Variants in CEACAM19 observed in about 807,000 individuals in gnomAD.
CEACAM19 encodes CEA cell adhesion molecule 19.
In CEACAM19, 37 loss-of-function variants were observed where a neutral mutation model predicts 37.6. The observed-to-expected ratio is 0.98, with a 90% CI of 0.76 to 1.29. CEACAM19 has a LOEUF of 1.29. Ranked by LOEUF, CEACAM19 falls within the 50% of genes most tolerant of loss-of-function variation. CEACAM19 has a pLI of 0.00. For missense variants in CEACAM19, 340 were observed against 375.6 expected, an observed-to-expected ratio of 0.91 and a Z score of 0.78; for synonymous variants, 140 against 149.8, an observed-to-expected ratio of 0.93 and a Z score of 0.48.
chr19:44,682,435 C>G (rs1045397432), intron 6 of CEACAM19, 132 bp from the exon 7 acceptor site: 6 of 880,296 alleles, frequency 6.8e-6, no homozygotes, highest in Admixed American at 6.7e-5. Flanking sequence ...AGCTAATCCC[C>G]TCTGCCCAGG....
upstream of CEACAM19, among the ~76,000 whole-genome samples, chr19:44,668,878 G>A (rs1168226259): frequency 1.5e-5 from 2 of 133,014 alleles, no homozygotes; most frequent in Non-Finnish European, 3.2e-5. Context: ...GGAGTGCAGT[G>A]GCACAATCTT....
At chr19:44,681,960 A>T (rs1056900907) in intron 6 of CEACAM19, among the ~76,000 whole-genome samples, 1 of 152,102 alleles carries the variant, frequency 6.6e-6, no homozygotes, top group African/African-American at 2.4e-5. Context: ...TAGATTAAAT[A>T]AAAAGAGAAA....
upstream of CEACAM19, among the ~76,000 whole-genome samples, chr19:44,668,537 TG>T (rs1203057077): frequency 6.4e-4 from 25 of 38,960 alleles, no homozygotes; most frequent in African/African-American, 3.4e-3. Context: ...ATATAATATA[TG>T]TATATAATTA....
chr19:44,677,712 CA>C (rs367615034), intron 3 of CEACAM19: 4 of 150,622 alleles, frequency 2.7e-5, no homozygotes, highest in African/African-American at 7.3e-5. Context: ...TTTTTTGAGA[CA>C]GAGTCTTGCT....
chr19:44,681,937 A>C (rs148464444), intron 6 of CEACAM19, among the ~76,000 whole-genome samples: 2 of 152,110 alleles, frequency 1.3e-5, no homozygotes, highest in African/African-American at 4.8e-5. Flanking sequence ...TCCCAAAAAA[A>C]AAAAAAGTTA....
chr19:44,666,181 TGAAAGGGAGAGGAA>T (rs1388145167), intron 1 of CEACAM19: 1 of 152,032 alleles, frequency 6.6e-6, no homozygotes, highest in Non-Finnish European at 1.5e-5. Flanking sequence ...AGTGATTGTT[TGAAAGGGAGAGGAA>T]GAAAGAGAGA....
chr19:44,668,543 TA>T (rs1200027660), upstream of CEACAM19, among the ~76,000 whole-genome samples: 3 of 70,674 alleles, frequency 4.2e-5, no homozygotes, highest in African/African-American at 2.7e-4. Context: ...TATATGTATA[TA>T]ATTATATAAT....
In CEACAM19 at chr19:44,672,693, G is replaced by A; in HGVS notation, c.153G>A (p.Leu51=). The A allele has an allele frequency of 1.9e-6, 3 of 1,566,860 alleles. No individual in the cohort carries two copies. The highest frequency in any genetic ancestry group is 2.6e-6 in the Non-Finnish European group (3 of 1,155,802). ...EQPQKNQDLL[L]SVQGVPDTFQ... ...CTCAAAAGAACCAGGACCTTCTCCT[G>A]TCAGTCCAGGGTGTCCCAGACACCT... The change falls in exon 2 of 8, where the codon CTG becomes CTA. Residue 51 remains leucine (L), a synonymous_variant. Transcript: ENST00000358777.
chr19:44,682,460 G>A (rs1599794081), intron 6 of CEACAM19, 107 bp from the exon 7 acceptor site: 1 of 1,132,476 alleles, frequency 8.8e-7, no homozygotes. Context: ...TCACAGTCTG[G>A]GAGGGGTGAT....
chr19:44,674,893 CAT>C (rs1973919362), intron 2 of CEACAM19, among the ~76,000 whole-genome samples: 1 of 152,184 alleles, frequency 6.6e-6, no homozygotes, highest in African/African-American at 2.4e-5. Flanking sequence ...CTTCTCCCCA[CAT>C]TTCCGGGGTT....
Position 44,672,889 on chromosome 19 carries a change from A to G in CEACAM19, c.349A>G (p.Ser117Gly). Residue 117 changes from serine (S) to glycine (G), a missense_variant, in exon 2 of 8, where the codon AGT (serine) becomes GGT (glycine). By Grantham distance (56) the Ser-to-Gly change is moderately conservative (BLOSUM62 0). Transcript: ENST00000358777. ...MLLRRAQPTDSGTYQVAITIN... is the reference protein window; with the variant it reads ...MLLRRAQPTDGGTYQVAITIN... ...GCTGCGCCGCGCCCAGCCTACAGAC[A>G]GTGGCACCTACCAAGTAGCCATTAC... 1 of 1,575,466 alleles carries G rather than the reference A, an allele frequency of 6.3e-7. No individual in the cohort carries two copies. The highest frequency in any genetic ancestry group is 8.6e-7 in the Non-Finnish European group (1 of 1,158,280).
chr19:44,667,595 T>A (rs897719670), upstream of CEACAM19, among the ~76,000 whole-genome samples: 17 of 107,318 alleles, frequency 1.6e-4, no homozygotes, highest in African/African-American at 7.2e-5. Context: ...GTATATATTT[T>A]TATATATAAA....
rs1342529391 is a variant in CEACAM19 at position 44,671,818 on chromosome 19, A to G, written c.-114A>G. 5 of 860,298 alleles carry G rather than the reference A, an allele frequency of 5.8e-6. No homozygotes were observed. Among genetic ancestry groups the G allele is most frequent in the African/African-American group, 5.1e-5 (3 of 59,010 alleles). 53.3% of individuals were successfully genotyped at this position (860,298 alleles called of 1,614,324 possible). A position where few individuals can be genotyped will look rare whatever the true frequency, so the allele number is the denominator to read the frequency against. ...CTGGGCCAGCCCCAGCGGTGTCTCTAAGGCACCCCTGGGATCCCCACTGAG... is the reference window on the plus strand; with the variant it reads ...CTGGGCCAGCCCCAGCGGTGTCTCTGAGGCACCCCTGGGATCCCCACTGAG... On this transcript the variant is annotated 5_prime_UTR_variant, in exon 1 of 8. An upstream open reading frame in the 5' UTR loses its in-frame stop. Transcript: ENST00000358777.
In CEACAM19 at chr19:44,680,326, A is replaced by C; in HGVS notation, c.698A>C (p.His233Pro). 3.1e-6 allele frequency: 5 copies of C among 1,607,898 alleles called. No homozygotes were observed. Among genetic ancestry groups the C allele is most frequent in the Non-Finnish European group, 4.2e-6 (5 of 1,178,432 alleles). ...TTEKPELGPAHDAGDNNIYEV... is the reference protein window; with the variant it reads ...TTEKPELGPAPDAGDNNIYEV... ...GAGAAGCCAGAATTGGGCCCTGCTC[A>C]TGATGCTGGTAAGGCGGGAGCCCCA... Residue 233 changes from histidine to proline, a missense_variant, in exon 5 of 8, where the codon CAT (histidine) becomes CCT (proline). Coordinates refer to ENST00000358777, the MANE Select transcript of CEACAM19 (RefSeq NM_001127893.3).
upstream of CEACAM19, among the ~76,000 whole-genome samples, chr19:44,667,908 A>T (rs1304387463): frequency 1.3e-5 from 1 of 78,636 alleles, no homozygotes; most frequent in African/African-American, 5.7e-5. Flanking sequence ...AATATATAAA[A>T]TATATATAAA....
upstream of CEACAM19, among the ~76,000 whole-genome samples, chr19:44,666,648 C>T (rs1403797595): frequency 1.3e-5 from 2 of 152,082 alleles, no homozygotes; most frequent in African/African-American, 2.4e-5. Flanking sequence ...CCAGCTTGGG[C>T]GACAGAGTGA....
intron 3 of CEACAM19, chr19:44,678,224 G>C (rs116668337): frequency 1.3e-5 from 2 of 151,366 alleles, no homozygotes; most frequent in African/African-American, 4.9e-5. Flanking sequence ...GGCCTTAAGC[G>C]GTCCTTCTGC....
intron 1 of CEACAM19, among the ~76,000 whole-genome samples, chr19:44,672,225 A>G (rs1169281703): frequency 2.0e-5 from 3 of 152,188 alleles, no homozygotes. Context: ...TCCAGTGTCT[A>G]GAAATTGAAG....
At chr19:44,668,566 T>TA (rs1568513005), upstream of CEACAM19, among the ~76,000 whole-genome samples, 48 of 64,096 alleles carry the variant, frequency 7.5e-4, no homozygotes, top group South Asian at 7.8e-3. Flanking sequence ...ATATACATAT[T>TA]ATATATGTAT....
Sources: gnomAD v4.1 joint callset for allele counts (sites outside exome capture counted in the v4.1 genomes callset) on GRCh38, gnomAD v4.1.1 for gene constraint, MANE v1.5 for transcripts, NCBI Gene and HGNC (gene_info 2026-07-23, HGNC 2026-07-21) for gene names.